CA5A: variants seen among roughly 807,000 people sequenced by gnomAD.
The protein encoded by CA5A is carbonic anhydrase 5A, mitochondrial.
In CA5A, 28 loss-of-function variants were observed where a neutral mutation model predicts 37.1. The ratio of observed to expected loss-of-function variants is 0.75; its 90% CI spans 0.56 to 1.03. The LOEUF is 1.03. Ranked by LOEUF, CA5A falls within the 50% of genes least tolerant of loss-of-function variation. CA5A has a pLI of 0.00. For missense variants in CA5A, 444 were observed against 399.9 expected (o/e 1.11, Z -0.94); for synonymous variants, 171 against 158.4 (o/e 1.08, Z -0.60).
intron 1 of CA5A, among the ~76,000 whole-genome samples, chr16:87,932,663 G>A (rs1351398951): frequency 1.3e-5 from 2 of 151,914 alleles, no homozygotes; most frequent in African/African-American, 2.4e-5. Context: ...GTCAAGCCCT[G>A]GCCCAGGTGC....
intron 2 of CA5A, among the ~76,000 whole-genome samples, chr16:87,910,612 C>T (rs76294533): frequency 0.033 from 5,064 of 152,188 alleles, 294 homozygotes; most frequent in African/African-American, 0.12. Flanking sequence ...GAGTCTCACT[C>T]TGTTACCCAG....
In CA5A at chr16:87,892,252, G is replaced by C. The variant is rs1475636724; in HGVS notation, c.619-298C>G. 4 of 235,116 alleles carry C rather than the reference G, an allele frequency of 1.7e-5. No homozygotes were observed. The East Asian group carries it at 3.8e-4, about 22-fold the overall frequency. The allele number at this position is 235,116 out of a possible 1,614,324, so 14.6% of individuals were successfully genotyped here. Reference sequence around the variant, plus strand: ...TCTTGGGGCGCAGTAGCTCACCCCTGTAATCTCAGCACTTTGGGAGGCCGA... The same window carrying C: ...TCTTGGGGCGCAGTAGCTCACCCCTCTAATCTCAGCACTTTGGGAGGCCGA... On this transcript the variant is annotated intron_variant, in intron 5 of 6. Transcript: ENST00000649794.
At chr16:87,934,376 C>G (rs569343310) in intron 1 of CA5A, among the ~76,000 whole-genome samples, 1 of 152,236 alleles carries the variant, frequency 6.6e-6, no homozygotes, top group African/African-American at 2.4e-5. Context: ...CAAGACCACC[C>G]TGAGCAACAT....
At chr16:87,893,132 T>G (rs112688475) in intron 5 of CA5A, 5,885 of 521,598 alleles carry the variant, frequency 0.011, 319 homozygotes, top group African/African-American at 0.11. Context: ...CTTCCTTTCT[T>G]TCTTTCTTTC....
chr16:87,904,644 G>T (rs1370958562), intron 3 of CA5A, 142 bp downstream of exon 3: 3 of 568,276 alleles, frequency 5.3e-6, no homozygotes, highest in Non-Finnish European at 9.6e-6. Flanking sequence ...GGCGGCCGAC[G>T]GTTCTGGTTT....
chr16:87,881,705 G>A (rs1224753265), exon 5 of CA5A: 7 of 151,578 alleles, frequency 4.6e-5, no homozygotes, highest in Non-Finnish European at 8.8e-5. Context: ...GCAGACACCG[G>A]CCGCTGCCCC....
downstream of CA5A, chr16:87,883,560 G>A (rs1383945467): frequency 2.7e-5 from 4 of 150,830 alleles, no homozygotes; most frequent in Non-Finnish European, 4.4e-5. Context: ...TTGATCTCCT[G>A]ACCTCATGAT....
chr16:87,895,963 G>A (rs2055796367), intron 5 of CA5A, among the ~76,000 whole-genome samples: 1 of 152,110 alleles, frequency 6.6e-6, no homozygotes, highest in Admixed American at 6.6e-5. Flanking sequence ...ACAGGCGGGT[G>A]TGCAGTGAGA....
At chr16:87,913,487 G>A (rs184453718) in intron 2 of CA5A, among the ~76,000 whole-genome samples, 13 of 152,104 alleles carry the variant, frequency 8.5e-5, no homozygotes, top group African/African-American at 3.1e-4. Context: ...TTAAAAGCCC[G>A]GAAGAATCCT....
At chr16:87,891,014 G>C (rs1011341509) in intron 6 of CA5A, among the ~76,000 whole-genome samples, 3 of 151,880 alleles carry the variant, frequency 2.0e-5, no homozygotes, top group East Asian at 3.9e-4. Context: ...GGCTGGTCTC[G>C]AACTCCTGGC....
chr16:87,881,955 G>A (rs1444566395), intron 4 of CA5A: 1 of 152,186 alleles, frequency 6.6e-6, no homozygotes, highest in Non-Finnish European at 1.5e-5. Context: ...TGTTGATACG[G>A]AAAATGAAGG....
intron 1 of CA5A, among the ~76,000 whole-genome samples, chr16:87,930,301 C>T (rs1413032591): frequency 1.3e-5 from 2 of 152,170 alleles, no homozygotes; most frequent in Non-Finnish European, 2.9e-5. Context: ...GGGCCGGGGG[C>T]TGGAGTCACT....
chr16:87,905,408 G>A (rs143595104), intron 2 of CA5A, among the ~76,000 whole-genome samples: 2,788 of 152,274 alleles, frequency 0.018, 185 homozygotes, highest in Admixed American at 0.14. Flanking sequence ...TGCCCAGGCT[G>A]GAGTACAATG....
chr16:87,905,005 C>T lies in CA5A; in HGVS notation c.341-101G>A, dbSNP rs200566309. ...TACATTAGGGTTATATGAGTTCACT[C>T]GCAAGGGGTTGCTGTATGGTTGAAG... is the stretch of plus-strand genomic sequence containing the variant. On this transcript the variant is annotated intron_variant, in intron 2 of 6. Coordinates refer to ENST00000649794, the MANE Select transcript of CA5A (RefSeq NM_001739.2). 5,432 of 752,364 alleles carry T rather than the reference C, an allele frequency of 7.2e-3. 93 individuals carry two copies. Among genetic ancestry groups the T allele is most frequent in the South Asian group, 0.037 (2,423 of 65,348 alleles). 46.6% of individuals were successfully genotyped at this position (752,364 alleles called of 1,614,324 possible).
chr16:87,901,885 C>A, intron 5 of CA5A, 27 bp downstream of exon 5: 2 of 1,604,296 alleles, frequency 1.2e-6, no homozygotes, highest in South Asian at 2.2e-5. Flanking sequence ...CCGCGCCCGG[C>A]CTGCTGATTT....
intron 1 of CA5A, among the ~76,000 whole-genome samples, chr16:87,929,894 A>AAAAAAAAAAAAAAAAAC (rs2056378355): frequency 6.6e-6 from 1 of 151,444 alleles, no homozygotes; most frequent in East Asian, 1.9e-4. Context: ...AAAAAAAAAA[A>AAAAAAAAAAAAAAAAAC]AATAAGTAAA....
intron 5 of CA5A, among the ~76,000 whole-genome samples, chr16:87,895,839 C>G (rs973044714): frequency 6.6e-6 from 1 of 152,224 alleles, no homozygotes; most frequent in African/African-American, 2.4e-5. Context: ...TGAGTTAGAG[C>G]TGTGTCCTTT....
chr16:87,891,988 C>T (rs1051003687), intron 5 of CA5A, 34 bp from the exon 6 acceptor site: 12 of 1,497,176 alleles, frequency 8.0e-6, no homozygotes, highest in Non-Finnish European at 1.1e-5. Flanking sequence ...CGTGTCAGTC[C>T]TCAGGGGAGA....
chr16:87,889,891 A>G (rs2055689030), intron 6 of CA5A, among the ~76,000 whole-genome samples: 1 of 152,262 alleles, frequency 6.6e-6, no homozygotes, highest in African/African-American at 2.4e-5. Context: ...TTCAGAAGTG[A>G]GATTATGTCT....
Sources: allele counts gnomAD v4.1 joint callset (sites outside exome capture counted in the v4.1 genomes callset), GRCh38; gene constraint gnomAD v4.1.1; transcripts MANE v1.5; gene names NCBI Gene and HGNC (gene_info 2026-07-23, HGNC 2026-07-21).